PPP1R36: variants seen among roughly 807,000 people sequenced by gnomAD.
PPP1R36 encodes chromosome 14 open reading frame 50.
PPP1R36 carries 47 observed loss-of-function variants against 53.4 expected under a neutral mutation model. That is an observed-to-expected ratio of 0.88 (90% confidence interval 0.70 to 1.12). The LOEUF is 1.12. Ranked by LOEUF, PPP1R36 falls within the 50% of genes most tolerant of loss-of-function variation. PPP1R36 has a pLI of 0.00. For missense variants in PPP1R36, 456 were observed against 513.9 expected, an observed-to-expected ratio of 0.89 and a Z score of 1.09; for synonymous variants, 153 against 170.5, an observed-to-expected ratio of 0.90 and a Z score of 0.80.
chr14:64,583,887 C>G (rs1202008162), intron 8 of PPP1R36, among the ~76,000 whole-genome samples: 1 of 144,364 alleles, frequency 6.9e-6, no homozygotes, highest in African/African-American at 2.5e-5. Context: ...GAAAGAGGTT[C>G]ATGTTACCTC....
At chr14:64,566,260 T>A (rs890941185) in intron 6 of PPP1R36, among the ~76,000 whole-genome samples, 1 of 151,482 alleles carries the variant, frequency 6.6e-6, no homozygotes, top group Non-Finnish European at 1.5e-5. Context: ...AGAGCAAGAC[T>A]CTCTCAGACC....
rs539000130 is a variant in PPP1R36, at chr14:64,550,058, T to C, written c.61T>C (p.Leu21=). ...GCGGTTAGGTGGGCAGACCCCTTAC[T>C]TGATGGATGTAAGTGCAGCCTTGGT... ...RKRLGGQTPY[L]MDQLGLRLGM... is the part of the protein sequence containing the mutation. The change falls in exon 1 of 12, where the codon TTG becomes CTG. Residue 21 remains leucine, a synonymous_variant. Coordinates refer to ENST00000298705, the MANE Select transcript of PPP1R36 (RefSeq NM_172365.3). 28 of 1,564,104 alleles carry C rather than the reference T, an allele frequency of 1.8e-5. No homozygotes were observed. The South Asian group carries it at 1.9e-4, about 11-fold the overall frequency.
chr14:64,550,181 C>T, intron 1 of PPP1R36, 115 bp downstream of exon 1: 1 of 1,464,330 alleles, frequency 6.8e-7, no homozygotes, highest in Non-Finnish European at 9.1e-7. Context: ...CGCCTTCGCC[C>T]CGGGCTGGCG....
chr14:64,564,687 A>G lies in PPP1R36; in HGVS notation c.183-64A>G, dbSNP rs571600781. 3.4e-5 allele frequency: 36 copies of G among 1,066,428 alleles called. No homozygotes were observed. The African/African-American group carries it at 4.9e-4, about 15-fold the overall frequency. 66.1% of individuals were successfully genotyped at this position (1,066,428 alleles called of 1,614,324 possible). On this transcript the variant is annotated intron_variant, in intron 3 of 11. Transcript: ENST00000298705. The stretch of plus-strand genomic sequence containing the variant: ...GCTAGTCCAAAGATTATGAGCTATG[A>G]TATGATTTGACTTGTTTTCCCCTGG...
chr14:64,552,783 T>G (rs1019925532), intron 2 of PPP1R36, 31 bp from the exon 3 acceptor site: 3 of 1,604,942 alleles, frequency 1.9e-6, no homozygotes, highest in Non-Finnish European at 1.7e-6. Context: ...ACCCGTCACT[T>G]CAAAGCAGTA....
At chr14:64,576,363 G>A (rs1596741429) in intron 8 of PPP1R36, among the ~76,000 whole-genome samples, 1 of 152,174 alleles carries the variant, frequency 6.6e-6, no homozygotes, top group East Asian at 1.9e-4. Flanking sequence ...TTACGGGCAT[G>A]AGCCACGGCA....
intron 7 of PPP1R36, among the ~76,000 whole-genome samples, chr14:64,572,245 T>C (rs1246015668): frequency 2.0e-5 from 3 of 152,222 alleles, no homozygotes; most frequent in Non-Finnish European, 4.4e-5. Context: ...TTCAGTTTTT[T>C]TCCCCAAAGG....
intron 8 of PPP1R36, among the ~76,000 whole-genome samples, chr14:64,582,305 C>G (rs922371784): frequency 2.6e-5 from 4 of 152,190 alleles, no homozygotes; most frequent in African/African-American, 9.7e-5. Context: ...TAGCCCAGAA[C>G]CCTGGGTCTA....
chr14:64,567,416 A>G (rs978221372), intron 6 of PPP1R36, among the ~76,000 whole-genome samples: 1 of 152,246 alleles, frequency 6.6e-6, no homozygotes. Flanking sequence ...GAGGTATAGA[A>G]TATTCTATTC....
At chr14:64,570,298 A>G (rs2080292842) in intron 7 of PPP1R36, among the ~76,000 whole-genome samples, 1 of 152,074 alleles carries the variant, frequency 6.6e-6, no homozygotes, top group East Asian at 1.9e-4. Flanking sequence ...CCTGACCAAC[A>G]TGGTGAAACC....
chr14:64,564,972 T>C, intron 4 of PPP1R36, 135 bp downstream of exon 4: 2 of 650,710 alleles, frequency 3.1e-6, no homozygotes, highest in East Asian at 2.7e-5. Context: ...AGAAAGAACA[T>C]GTGCTGTTTC....
At chr14:64,550,597 C>T (rs1044058711) in intron 1 of PPP1R36, among the ~76,000 whole-genome samples, 2 of 152,136 alleles carry the variant, frequency 1.3e-5, no homozygotes, top group Admixed American at 1.3e-4. Flanking sequence ...CTATCTTTCG[C>T]CCTTCCCTTC....
intron 7 of PPP1R36, 38 bp from the exon 8 acceptor site, chr14:64,574,417 A>C (rs78276234): frequency 6.3e-7 from 1 of 1,580,284 alleles, no homozygotes; most frequent in East Asian, 2.2e-5. Context: ...ACTTATGACA[A>C]TTAACCCAAA....
intron 7 of PPP1R36, among the ~76,000 whole-genome samples, chr14:64,573,913 C>CAAAAAAAA (rs35427371): frequency 1.2e-4 from 4 of 32,536 alleles, no homozygotes; most frequent in Non-Finnish European, 1.5e-4. Flanking sequence ...GACTCTGTCT[C>CAAAAAAAA]AAAAAAAAAA....
chr14:64,555,849 T>C (rs1001396438), intron 3 of PPP1R36, among the ~76,000 whole-genome samples: 1 of 129,162 alleles, frequency 7.7e-6, no homozygotes, highest in Non-Finnish European at 1.7e-5. Context: ...GATTTTCCCC[T>C]CTCTCTCTCT....
At chr14:64,584,086 G>C (rs2140249357) in intron 8 of PPP1R36, among the ~76,000 whole-genome samples, 1 of 152,018 alleles carries the variant, frequency 6.6e-6, no homozygotes, top group Admixed American at 6.5e-5. Context: ...ATTTTTAGTA[G>C]AGATGGTGTT....
chr14:64,550,251 C>T, intron 1 of PPP1R36, 185 bp downstream of exon 1: 2 of 1,387,052 alleles, frequency 1.4e-6, no homozygotes, highest in Non-Finnish European at 1.9e-6. Context: ...GTGTATTTGA[C>T]AGATGGTCAG....
chr14:64,571,515 A>T (rs10438021), intron 7 of PPP1R36, among the ~76,000 whole-genome samples: 4,187 of 152,222 alleles, frequency 0.028, 179 homozygotes, highest in African/African-American at 0.095. Context: ...ATAGTTTTCC[A>T]TCAAGCCAAT....
At chr14:64,569,456 T>G (rs1234845451) in intron 7 of PPP1R36, among the ~76,000 whole-genome samples, 1 of 152,192 alleles carries the variant, frequency 6.6e-6, no homozygotes, top group Non-Finnish European at 1.5e-5. Context: ...ATAAATAATT[T>G]AAAAACTCTT....
Sources: allele counts gnomAD v4.1 joint callset (sites outside exome capture counted in the v4.1 genomes callset), GRCh38; gene constraint gnomAD v4.1.1; transcripts MANE v1.5; gene names NCBI Gene and HGNC (gene_info 2026-07-23, HGNC 2026-07-21).